The following ESRRG variants were observed in gnomAD, a reference collection of about 807,000 sequenced individuals.
ESRRG encodes estrogen-related receptor gamma.
ESRRG carries 13 observed loss-of-function variants against 44.0 expected under a neutral mutation model. The ratio of observed to expected loss-of-function variants is 0.30; its 90% CI spans 0.19 to 0.47. The LOEUF (loss-of-function observed/expected upper bound fraction) is 0.47, where lower values mean the gene tolerates loss of function less well. ESRRG is among the 20% of genes least tolerant of loss of function. The pLI is 1.00. For synonymous variants in ESRRG, 215 were observed against 214.6 expected, an observed-to-expected ratio of 1.00 and a Z score of -0.02; for missense variants, 395 against 580.6, an observed-to-expected ratio of 0.68 and a Z score of 3.29.
At chr1:216,979,779 T>C (rs955818022) in intron 1 of ESRRG, among the ~76,000 whole-genome samples, 50 of 152,248 alleles carry the variant, frequency 3.3e-4, no homozygotes, top group African/African-American at 1.2e-3. Context: ...AAATTTAAAT[T>C]AGAGTTTAAA....
chr1:216,703,374 C>T (rs546237013), intron 1 of ESRRG, among the ~76,000 whole-genome samples: 4 of 152,266 alleles, frequency 2.6e-5, no homozygotes, highest in African/African-American at 9.6e-5. Flanking sequence ...GGGCCGCATT[C>T]AAAGCCGTCC....
intron 3 of ESRRG, among the ~76,000 whole-genome samples, chr1:216,634,696 C>T (rs769270088): frequency 6.6e-6 from 1 of 152,172 alleles, no homozygotes; most frequent in Non-Finnish European, 1.5e-5. Flanking sequence ...GGACAGTCTC[C>T]ACCTCACTGA....
At chr1:217,012,418 A>C (rs537602607) in intron 1 of ESRRG, among the ~76,000 whole-genome samples, 3 of 152,334 alleles carry the variant, frequency 2.0e-5, no homozygotes, top group African/African-American at 7.2e-5. Flanking sequence ...AAGCTCATGA[A>C]TCCCACCTGT....
chr1:217,055,847 T>C (rs914753622), intron 1 of ESRRG, among the ~76,000 whole-genome samples: 10 of 152,206 alleles, frequency 6.6e-5, no homozygotes, highest in Non-Finnish European at 1.5e-5. Context: ...CAGATGTCTA[T>C]ACAATTCTTT....
chr1:217,099,354 A>G (rs12728639), intron 1 of ESRRG, among the ~76,000 whole-genome samples: 1 of 150,076 alleles, frequency 6.7e-6, no homozygotes, highest in East Asian at 2.0e-4. Flanking sequence ...GAGAATAACA[A>G]CAATTAGACC....
intron 2 of ESRRG, among the ~76,000 whole-genome samples, chr1:216,905,076 G>T (rs147798039): frequency 1.4e-4 from 21 of 152,256 alleles, no homozygotes; most frequent in African/African-American, 4.6e-4. Flanking sequence ...GGAAAGATTA[G>T]CCAAGCAAAT....
chr1:216,567,234 A>G (rs1445019935), intron 4 of ESRRG, among the ~76,000 whole-genome samples: 2 of 152,196 alleles, frequency 1.3e-5, no homozygotes, highest in Non-Finnish European at 2.9e-5. Flanking sequence ...CTGTTGCACT[A>G]CAACTATTAA....
chr1:216,520,135 T>G (rs1181208413), intron 5 of ESRRG, among the ~76,000 whole-genome samples: 1 of 152,156 alleles, frequency 6.6e-6, no homozygotes, highest in Non-Finnish European at 1.5e-5. Flanking sequence ...TTTAAAAAGT[T>G]AAATATAAAT....
intron 1 of ESRRG, among the ~76,000 whole-genome samples, chr1:217,047,687 G>T (rs2085139985): frequency 6.6e-6 from 1 of 152,162 alleles, no homozygotes; most frequent in African/African-American, 2.4e-5. Context: ...GGGGGAAGCA[G>T]ATGGGAATGA....
chr1:216,593,526 C>T lies in ESRRG; in HGVS notation c.590-25428G>A, dbSNP rs148887008. ...TTAGAAGATTAGATTCTGATAACAG[C>T]CAATTGTAAATAACTACCTGCATTC... On this transcript the variant is annotated intron_variant, in intron 3 of 6. Transcript: ENST00000408911. 3.8e-3 allele frequency among the ~76,000 whole-genome samples: 581 copies of T among 152,260 alleles called. 6 individuals carry two copies. The highest frequency in any genetic ancestry group is 0.012 in the African/African-American group (481 of 41,560).
intron 6 of ESRRG, among the ~76,000 whole-genome samples, chr1:216,511,091 G>A (rs1419854944): frequency 1.3e-5 from 2 of 152,074 alleles, no homozygotes; most frequent in African/African-American, 2.4e-5. Context: ...CCAACAGTCA[G>A]TGTAAACTTT....
At chr1:216,902,487 G>GA (rs555188251) in intron 2 of ESRRG, among the ~76,000 whole-genome samples, 156 of 123,442 alleles carry the variant, frequency 1.3e-3, no homozygotes, top group South Asian at 4.2e-3. Context: ...CGAAAAAAAA[G>GA]AAAAAAAAAA....
intron 2 of ESRRG, among the ~76,000 whole-genome samples, chr1:216,676,707 T>C (rs542254495): frequency 3.9e-5 from 6 of 152,318 alleles, no homozygotes; most frequent in African/African-American, 1.2e-4. Flanking sequence ...AAAGTATTTA[T>C]TATTTCCATG....
chr1:216,976,885 T>C (rs1193721839), intron 1 of ESRRG, among the ~76,000 whole-genome samples: 1 of 152,150 alleles, frequency 6.6e-6, no homozygotes, highest in African/African-American at 2.4e-5. Context: ...TCAAGTTCAT[T>C]AGAGGGAAAA....
chr1:216,620,806 A>G (rs1307027256), intron 3 of ESRRG, among the ~76,000 whole-genome samples: 4 of 152,214 alleles, frequency 2.6e-5, no homozygotes, highest in African/African-American at 4.8e-5. Context: ...CTGTGTCTAT[A>G]GTTACCATTT....
chr1:216,524,216 T>TATATATATATATAC (rs2046953283), intron 5 of ESRRG, among the ~76,000 whole-genome samples: 1 of 141,842 alleles, frequency 7.1e-6, no homozygotes, highest in Non-Finnish European at 1.5e-5. Context: ...TAGGAAACTT[T>TATATATATATATAC]ATATATATAT....
chr1:216,722,539 C>T (rs1375134400), intron 1 of ESRRG, among the ~76,000 whole-genome samples: 2 of 152,006 alleles, frequency 1.3e-5, no homozygotes, highest in African/African-American at 2.4e-5. Flanking sequence ...GAGACAAATC[C>T]ACACTCTGAG....
At chr1:216,548,695 G>A (rs768613303) in intron 5 of ESRRG, among the ~76,000 whole-genome samples, 1 of 151,880 alleles carries the variant, frequency 6.6e-6, no homozygotes, top group Non-Finnish European at 1.5e-5. Context: ...CCTATAGTAC[G>A]CTGGGCTACT....
At chr1:216,623,199 C>A (rs1203170709) in intron 3 of ESRRG, among the ~76,000 whole-genome samples, 1 of 149,968 alleles carries the variant, frequency 6.7e-6, no homozygotes, top group Non-Finnish European at 1.5e-5. Flanking sequence ...TCTCCTGCCT[C>A]AGCCTCCCGA....
Sources: gnomAD v4.1 joint callset for allele counts (sites outside exome capture counted in the v4.1 genomes callset) on GRCh38, gnomAD v4.1.1 for gene constraint, MANE v1.5 for transcripts, NCBI Gene and HGNC (gene_info 2026-07-23, HGNC 2026-07-21) for gene names.